Variants in RORA observed in about 807,000 individuals in gnomAD.
The protein encoded by RORA is nuclear receptor ROR-alpha.
Under a neutral mutation model 69.5 loss-of-function variants are expected in RORA, and 7 were observed. The observed-to-expected ratio is 0.10, with a 90% CI of 0.06 to 0.19. RORA has a LOEUF of 0.19. Among genes scored for constraint, RORA ranks in the 10% least tolerant of loss-of-function variants. The pLI, the probability that RORA is intolerant of heterozygous loss-of-function variation, is 1.00. For missense variants in RORA, 457 were observed against 663.0 expected, an observed-to-expected ratio of 0.69 and a Z score of 3.41; for synonymous variants, 261 against 240.8, an observed-to-expected ratio of 1.08 and a Z score of -0.78.
intron 2 of RORA, among the ~76,000 whole-genome samples, chr15:60,575,997 CAG>C (rs2068014160): frequency 1.3e-5 from 2 of 152,236 alleles, no homozygotes; most frequent in African/African-American, 4.8e-5. Context: ...TCTCCAAGAA[CAG>C]AGCGTGGCTT....
At chr15:61,125,803 T>C (rs910420275) in intron 1 of RORA, among the ~76,000 whole-genome samples, 1 of 152,218 alleles carries the variant, frequency 6.6e-6, no homozygotes, top group African/African-American at 2.4e-5. Context: ...TCAAATGCTT[T>C]TGATTTGAAT....
At chr15:60,560,662 C>G (rs1005236494) in intron 2 of RORA, among the ~76,000 whole-genome samples, 6 of 152,184 alleles carry the variant, frequency 3.9e-5, no homozygotes, top group African/African-American at 1.2e-4. Context: ...GCTGTGGCAA[C>G]AGAGCAAAAC....
At chr15:61,144,682 G>A (rs12908710) in intron 1 of RORA, among the ~76,000 whole-genome samples, 74,397 of 152,110 alleles carry the variant, frequency 0.49, 19,602 homozygotes, top group Non-Finnish European at 0.59. Flanking sequence ...TATTCTTAAT[G>A]CTGTTGAGTG....
chr15:60,694,224 G>A (rs535470781), intron 1 of RORA, among the ~76,000 whole-genome samples: 1 of 152,274 alleles, frequency 6.6e-6, no homozygotes, highest in East Asian at 1.9e-4. Flanking sequence ...TCCCTGTAAG[G>A]CAGAGCTGGG....
At chr15:61,159,610 C>T (rs2079476605) in intron 1 of RORA, among the ~76,000 whole-genome samples, 1 of 152,164 alleles carries the variant, frequency 6.6e-6, no homozygotes, top group African/African-American at 2.4e-5. Flanking sequence ...AATCAGGAAA[C>T]CTAACATCGT....
At chr15:60,692,906 T>C (rs1245734867) in intron 1 of RORA, among the ~76,000 whole-genome samples, 1 of 152,176 alleles carries the variant, frequency 6.6e-6, no homozygotes, top group East Asian at 1.9e-4. Context: ...TCTGAAACTA[T>C]TTTAAACAAT....
At chr15:61,200,124 C>T (rs980026051) in intron 1 of RORA, among the ~76,000 whole-genome samples, 3 of 152,182 alleles carry the variant, frequency 2.0e-5, no homozygotes, top group Non-Finnish European at 2.9e-5. Flanking sequence ...GAAAGAGACA[C>T]AGAGAAATCA....
In RORA at chr15:60,625,347, T is replaced by C. The variant is rs932157405; in HGVS notation, c.196+53310A>G. On this transcript the variant is annotated intron_variant, in intron 2 of 10. Coordinates refer to ENST00000335670, the MANE Select transcript of RORA (RefSeq NM_134261.3). ...GGTTGTAGGGCAACAGGCACTCACATACATTATTGGTGGCCACATAAACTG... is the reference window on the plus strand; with the variant it reads ...GGTTGTAGGGCAACAGGCACTCACACACATTATTGGTGGCCACATAAACTG... Among the ~76,000 whole-genome samples the C allele has an allele frequency of 1.1e-4, 16 of 152,326 alleles. No homozygotes were observed. The Middle Eastern group carries it at 0.01, about 97-fold the overall frequency.
At chr15:61,052,357 G>A (rs912720551) in intron 1 of RORA, among the ~76,000 whole-genome samples, 3 of 152,248 alleles carry the variant, frequency 2.0e-5, no homozygotes, top group African/African-American at 7.2e-5. Context: ...AATTCTAGAA[G>A]TCAGGATGGG....
intron 1 of RORA, among the ~76,000 whole-genome samples, chr15:61,060,722 A>G (rs1481745766): frequency 2.0e-5 from 3 of 152,150 alleles, no homozygotes; most frequent in Non-Finnish European, 4.4e-5. Flanking sequence ...AATGGCTGGA[A>G]TCTTACATCA....
At chr15:60,986,844 T>C (rs762188632) in intron 1 of RORA, among the ~76,000 whole-genome samples, 2 of 152,238 alleles carry the variant, frequency 1.3e-5, no homozygotes, top group Non-Finnish European at 2.9e-5. Flanking sequence ...TCCTGAAGTA[T>C]CTGCTCTGTC....
At chr15:60,866,794 G>C (rs983734217) in intron 1 of RORA, among the ~76,000 whole-genome samples, 2 of 150,684 alleles carry the variant, frequency 1.3e-5, no homozygotes, top group Non-Finnish European at 3.0e-5. Flanking sequence ...TTTTCCATCT[G>C]GGTGTTCCTG....
chr15:60,785,864 G>A (rs148049727), intron 1 of RORA, among the ~76,000 whole-genome samples: 131 of 152,284 alleles, frequency 8.6e-4, no homozygotes, highest in African/African-American at 2.9e-3. Flanking sequence ...ACATTGATTT[G>A]GTGGCAATCT....
chr15:60,787,202 GC>G (rs1333341196), intron 1 of RORA, among the ~76,000 whole-genome samples: 3 of 152,202 alleles, frequency 2.0e-5, no homozygotes, highest in African/African-American at 7.2e-5. Flanking sequence ...AGAACAGAAG[GC>G]CCTGTTACTG....
intron 1 of RORA, among the ~76,000 whole-genome samples, chr15:61,214,486 G>A (rs930358): frequency 0.71 from 108,698 of 152,126 alleles, 40,581 homozygotes; most frequent in Non-Finnish European, 0.81. Flanking sequence ...TTATATATAC[G>A]AAAGTTAAAG....
intron 1 of RORA, among the ~76,000 whole-genome samples, chr15:60,837,793 G>T (rs1167983742): frequency 6.6e-6 from 1 of 151,574 alleles, no homozygotes; most frequent in African/African-American, 2.4e-5. Flanking sequence ...TTCTTCTCAG[G>T]TTGCCAGAAA....
chr15:60,633,276 G>C (rs339965), intron 2 of RORA, among the ~76,000 whole-genome samples: 5,070 of 152,152 alleles, frequency 0.033, 295 homozygotes, highest in African/African-American at 0.12. Context: ...GAAGGTGAAC[G>C]TGTGCCAGTT....
At chr15:60,780,326 T>C (rs1346755029) in intron 1 of RORA, among the ~76,000 whole-genome samples, 1 of 152,174 alleles carries the variant, frequency 6.6e-6, no homozygotes, top group Non-Finnish European at 1.5e-5. Context: ...AAGTTCCACA[T>C]GGACTGGTGA....
intron 1 of RORA, among the ~76,000 whole-genome samples, chr15:60,729,110 T>G (rs2071398521): frequency 6.6e-6 from 1 of 152,146 alleles, no homozygotes; most frequent in Admixed American, 6.5e-5. Flanking sequence ...TGCTGATATT[T>G]ACCTCCCCGT....
Sources: allele counts gnomAD v4.1 joint callset (sites outside exome capture counted in the v4.1 genomes callset), GRCh38; gene constraint gnomAD v4.1.1; transcripts MANE v1.5; gene names NCBI Gene and HGNC (gene_info 2026-07-23, HGNC 2026-07-21).